The following METTL15 variants were observed in gnomAD, a reference collection of about 807,000 sequenced individuals.
METTL15 encodes methyltransferase 15, mitochondrial 12S rRNA N4-cytidine.
A neutral mutation model predicts 38.3 loss-of-function variants in METTL15; 34 were observed. The ratio of observed to expected loss-of-function variants is 0.89; its 90% CI spans 0.68 to 1.18. The LOEUF is 1.18. Ranked by LOEUF, METTL15 falls within the 50% of genes most tolerant of loss-of-function variation. METTL15 has a pLI of 0.00. For synonymous variants in METTL15, 162 were observed against 170.9 expected (o/e 0.95, Z 0.41); for missense variants, 438 against 498.4 (o/e 0.88, Z 1.15).
rs1044503916 is a variant in METTL15, at chr11:28,211,266, T to C, written c.407+68T>C. The C allele has an allele frequency of 4.3e-5, 63 of 1,462,702 alleles. No individual in the cohort carries two copies. In the Middle Eastern group the frequency reaches 7.2e-4, roughly 17 times the overall value. The allele number at this position is 1,462,702 out of a possible 1,614,324, so 90.6% of individuals were successfully genotyped here. On this transcript the variant is annotated intron_variant, in intron 4 of 6. Coordinates refer to ENST00000407364, the MANE Select transcript of METTL15 (RefSeq NM_001113528.2). ...TTTTACAGAGCTTGGTTTACCACCT[T>C]GGAATTTGTTCTGCTTTGCATGGGC...
At chr11:28,430,538 G>A (rs1590371922) in intron 6 of METTL15, among the ~76,000 whole-genome samples, 1 of 34,674 alleles carries the variant, frequency 2.9e-5, no homozygotes, top group Admixed American at 1.9e-4. Flanking sequence ...CGCCCCGTCC[G>A]GGAGGGAGGT....
intron 3 of METTL15, among the ~76,000 whole-genome samples, chr11:28,341,613 G>A (rs1044607360): frequency 1.3e-5 from 2 of 152,114 alleles, no homozygotes; most frequent in Admixed American, 6.5e-5. Context: ...TATAAGGTGG[G>A]TGTATTAAAC....
intron 4 of METTL15, among the ~76,000 whole-genome samples, chr11:28,256,181 G>C (rs191015639): frequency 6.6e-6 from 1 of 152,290 alleles, no homozygotes; most frequent in East Asian, 1.9e-4. Context: ...TCTTTCTCTT[G>C]TTTTGGTATC....
intron 4 of METTL15, among the ~76,000 whole-genome samples, chr11:28,263,444 A>G (rs549551352): frequency 6.6e-6 from 1 of 152,210 alleles, no homozygotes; most frequent in East Asian, 1.9e-4. Context: ...GGTTAAATGT[A>G]TATGTCTTTT....
intron 6 of METTL15, among the ~76,000 whole-genome samples, chr11:28,460,568 AATC>A (rs1486100671): frequency 6.6e-6 from 1 of 152,150 alleles, no homozygotes; most frequent in African/African-American, 2.4e-5. Flanking sequence ...GGAAGTGAGT[AATC>A]ATCAACTCAT....
At chr11:28,113,769 T>C (rs1360604598) in intron 3 of METTL15, among the ~76,000 whole-genome samples, 165 bp downstream of exon 3, 1 of 152,218 alleles carries the variant, frequency 6.6e-6, no homozygotes, top group African/African-American at 2.4e-5. Context: ...GAAATTGTAC[T>C]TTTCAGTGCC....
rs554800423 is a variant in METTL15, at chr11:28,409,472, G to A, written c.*359-14827G>A. ...GTTATGAACTAGAAATTAATAACAGGAGAAATATGGAAAATTCACAAATAT... is the reference window on the plus strand; with the variant it reads ...GTTATGAACTAGAAATTAATAACAGAAGAAATATGGAAAATTCACAAATAT... On this transcript the variant is annotated intron_variant and NMD_transcript_variant, in intron 5 of 7. Coordinates refer to the METTL15 transcript ENST00000532947. 2.0e-5 allele frequency among the ~76,000 whole-genome samples: 3 copies of A among 151,586 alleles called. No individual in the cohort carries two copies. In the East Asian group the frequency reaches 5.8e-4, roughly 29 times the overall value.
intron 4 of METTL15, among the ~76,000 whole-genome samples, chr11:28,269,846 C>T (rs1390830709): frequency 6.6e-6 from 1 of 152,210 alleles, no homozygotes; most frequent in African/African-American, 2.4e-5. Context: ...TGCCAGCTTA[C>T]ATGCTGATCT....
chr11:28,125,244 T>C (rs1318170027), intron 3 of METTL15, among the ~76,000 whole-genome samples: 4 of 152,132 alleles, frequency 2.6e-5, no homozygotes, highest in African/African-American at 9.7e-5. Context: ...ATACTTTTAT[T>C]TCAAGATTTC....
chr11:28,207,373 G>T (rs1301383330), intron 3 of METTL15, among the ~76,000 whole-genome samples: 2 of 152,042 alleles, frequency 1.3e-5, no homozygotes, highest in South Asian at 2.1e-4. Context: ...TAATCATGTG[G>T]TTTTTGTCTT....
At chr11:28,397,662 A>G (rs1235296598) in intron 5 of METTL15, among the ~76,000 whole-genome samples, 7 of 152,076 alleles carry the variant, frequency 4.6e-5, no homozygotes, top group East Asian at 1.9e-4. Flanking sequence ...TAGTTCAACC[A>G]TTGTGGAAGT....
At chr11:28,381,033 T>C (rs1850377776) in intron 5 of METTL15, among the ~76,000 whole-genome samples, 1 of 152,228 alleles carries the variant, frequency 6.6e-6, no homozygotes, top group Non-Finnish European at 1.5e-5. Flanking sequence ...GTCTGTCATC[T>C]AGGCGGAAGT....
chr11:28,374,759 T>C (rs1479114270), intron 5 of METTL15, among the ~76,000 whole-genome samples: 1 of 151,294 alleles, frequency 6.6e-6, no homozygotes, highest in Non-Finnish European at 1.5e-5. Flanking sequence ...TCAAAGGGAA[T>C]GCTTCCAGTT....
intron 3 of METTL15, among the ~76,000 whole-genome samples, chr11:28,146,412 G>C (rs1321635606): frequency 6.6e-6 from 1 of 151,980 alleles, no homozygotes. Flanking sequence ...ACAGTTGTCA[G>C]CTCAGTGTTA....
intron 4 of METTL15, among the ~76,000 whole-genome samples, chr11:28,358,504 A>G (rs4567438): frequency 0.25 from 37,539 of 152,122 alleles, 4,842 homozygotes; most frequent in Middle Eastern, 0.28. Context: ...TGAATTTAGT[A>G]CTTTGGATCT....
At chr11:28,317,528 C>T (rs540648481) in intron 6 of METTL15, among the ~76,000 whole-genome samples, 5 of 152,132 alleles carry the variant, frequency 3.3e-5, no homozygotes, top group South Asian at 4.2e-4. Context: ...AGCCACAGCA[C>T]GATGCTAATT....
chr11:28,175,010 A>G lies in METTL15; in HGVS notation c.271-36052A>G, dbSNP rs532288492. 4.7e-3 allele frequency among the ~76,000 whole-genome samples: 707 copies of G among 151,706 alleles called. 3 individuals are homozygous for G. Among genetic ancestry groups the G allele is most frequent in the Non-Finnish European group, 8.1e-3 (553 of 67,920 alleles). The stretch of plus-strand genomic sequence containing the variant: ...TGTGCACAACGTGCAGGTTAGTTAC[A>G]TATGTATACATGTGCCATGTTGGTG... On this transcript the variant is annotated intron_variant, in intron 3 of 6. Transcript: ENST00000407364.
chr11:28,117,476 C>T (rs1852026996), intron 3 of METTL15, among the ~76,000 whole-genome samples: 1 of 151,936 alleles, frequency 6.6e-6, no homozygotes, highest in Non-Finnish European at 1.5e-5. Flanking sequence ...AATTGCACTA[C>T]ATCTTCTAGC....
intron 3 of METTL15, among the ~76,000 whole-genome samples, chr11:28,204,506 A>G (rs1320826556): frequency 7.7e-6 from 1 of 129,470 alleles, no homozygotes; most frequent in East Asian, 2.3e-4. Context: ...CTCACGGAGC[A>G]TTTGTTAGAC....
Sources: allele counts gnomAD v4.1 joint callset (sites outside exome capture counted in the v4.1 genomes callset), GRCh38; gene constraint gnomAD v4.1.1; transcripts MANE v1.5; gene names NCBI Gene and HGNC (gene_info 2026-07-23, HGNC 2026-07-21).